Variants in TNFRSF1A observed in about 807,000 individuals in gnomAD.
TNFRSF1A encodes the protein TNF receptor superfamily member 1A.
In TNFRSF1A, 9 loss-of-function variants were observed where a neutral mutation model predicts 41.6. That is an observed-to-expected ratio of 0.22 (90% confidence interval 0.13 to 0.38). The LOEUF is 0.38. Ranked by LOEUF, TNFRSF1A falls within the 10% of genes least tolerant of loss-of-function variation. The pLI is 1.00. For synonymous variants in TNFRSF1A, 254 were observed against 248.6 expected, an observed-to-expected ratio of 1.02 and a Z score of -0.21; for missense variants, 463 against 591.5, an observed-to-expected ratio of 0.78 and a Z score of 2.25.
chr12:6,331,957 C>T lies in TNFRSF1A; in HGVS notation c.552-1031G>A, dbSNP rs547305263. The T allele has an allele frequency of 9.8e-4, 194 of 198,748 alleles. No individual in the cohort carries two copies. The highest frequency in any genetic ancestry group is 4.5e-3 in the Middle Eastern group (2 of 442). The allele number at this position is 198,748 out of a possible 1,614,324, so 12.3% of individuals were successfully genotyped here. On this transcript the variant is annotated intron_variant, in intron 5 of 9. Transcript: ENST00000162749. Reference sequence around the variant, plus strand: ...CAGAGGTTGCAGTGAGCCGAGATCGCGCCACTGCATTCCAGCCTGGGCGAC... The same window carrying T: ...CAGAGGTTGCAGTGAGCCGAGATCGTGCCACTGCATTCCAGCCTGGGCGAC...
chr12:6,341,719 G>C lies in TNFRSF1A; in HGVS notation c.39+57C>G. The C allele has an allele frequency of 6.2e-6, 10 of 1,603,792 alleles. No individual in the cohort carries two copies. The highest frequency in any genetic ancestry group is 1.1e-5 in the South Asian group (1 of 90,526). On this transcript the variant is annotated intron_variant, in intron 1 of 9. Coordinates refer to ENST00000162749, the MANE Select transcript of TNFRSF1A (RefSeq NM_001065.4). The surrounding 1 kb of genome is among the most constrained non-coding windows in gnomAD (Gnocchi z 4.6). Reference sequence around the variant, plus strand: ...CGGCCCCCTCCCGGAGAGGGCCCACGCCAGCCGGAAGGTGCCTCGCCCACC... The same window carrying C: ...CGGCCCCCTCCCGGAGAGGGCCCACCCCAGCCGGAAGGTGCCTCGCCCACC...
At position 6,334,942 on chromosome 12, in the gene TNFRSF1A, G is replaced by A. The variant is rs1400824413; in HGVS notation, c.40-698C>T. Among the ~76,000 whole-genome samples the A allele has an allele frequency of 6.6e-6, 1 of 152,152 alleles. No individual in the cohort carries two copies. The highest frequency in any genetic ancestry group is 6.5e-5 in the Admixed American group (1 of 15,274). On this transcript the variant is annotated intron_variant, in intron 1 of 9. Coordinates refer to ENST00000162749, the MANE Select transcript of TNFRSF1A (RefSeq NM_001065.4). This position sits in a 1 kb window ranked among gnomAD's most constrained non-coding sequence, Gnocchi z 5.1. ...AACAAGCAGCCCTAAAGATTGGGGC[G>A]GTGTTTCTCCATCTGGGTGCTGGGT...
At position 6,333,208 on chromosome 12, in the gene TNFRSF1A, A is replaced by G; in HGVS notation, c.473-61T>C. ...CGCCTGCACCCCCACCCCACAGGAC[A>G]GAGGAAGTGACGAGGGACAGGGTGG... On this transcript the variant is annotated intron_variant, in intron 4 of 9. Transcript: ENST00000162749. This position sits in a 1 kb window ranked among gnomAD's most constrained non-coding sequence, Gnocchi z 6.3. 1 of 1,581,888 alleles carries G rather than the reference A, an allele frequency of 6.3e-7. No homozygotes were observed. The highest frequency in any genetic ancestry group is 2.2e-5 in the East Asian group (1 of 44,476).
chr12:6,340,097 T>A (rs977583057), intron 1 of TNFRSF1A, among the ~76,000 whole-genome samples: 2 of 152,154 alleles, frequency 1.3e-5, no homozygotes, highest in African/African-American at 4.8e-5. Flanking sequence ...TAATTACTAC[T>A]AGTCACAGCA....
chr12:6,338,106 A>C (rs1284610080), intron 1 of TNFRSF1A, among the ~76,000 whole-genome samples: 1 of 152,146 alleles, frequency 6.6e-6, no homozygotes, highest in African/African-American at 2.4e-5. Flanking sequence ...TGAATGATAC[A>C]AAGGCAGAAA....
rs773046328 is a variant in TNFRSF1A, at chr12:6,330,320, A to G, written c.740-25T>C. ...ACTGAGGAAAAAGAAAGAAAGCATCATAAATTTCACTTCCTCTCTCAGCCC... is the reference window on the plus strand; with the variant it reads ...ACTGAGGAAAAAGAAAGAAAGCATCGTAAATTTCACTTCCTCTCTCAGCCC... On this transcript the variant is annotated intron_variant, in intron 7 of 9. Transcript: ENST00000162749. 9.3e-6 allele frequency: 15 copies of G among 1,609,938 alleles called. No individual in the cohort carries two copies. The Admixed American group carries it at 2.3e-4, about 25-fold the overall frequency.
rs927522335 is a variant in TNFRSF1A at position 6,341,706 on chromosome 12, G to A, written c.39+70C>T. The A allele has an allele frequency of 3.1e-5, 49 of 1,578,816 alleles. No homozygotes were observed. In the Admixed American group the frequency reaches 3.3e-4, roughly 11 times the overall value. ...GGCAGGAGAGGCTCGGCCCCCTCCC[G>A]GAGAGGGCCCACGCCAGCCGGAAGG... On this transcript the variant is annotated intron_variant, in intron 1 of 9. Transcript: ENST00000162749. The surrounding 1 kb of genome is among the most constrained non-coding windows in gnomAD (Gnocchi z 4.6).
chr12:6,332,131 A>C (rs569448912), intron 5 of TNFRSF1A: 5 of 226,034 alleles, frequency 2.2e-5, no homozygotes, highest in South Asian at 2.0e-4. Flanking sequence ...CATTATGCTT[A>C]CTTTAAATAT....
In TNFRSF1A at chr12:6,333,585, C is replaced by G. The variant is rs1948080458; in HGVS notation, c.323-69G>C. On this transcript the variant is annotated intron_variant, in intron 3 of 9. Coordinates refer to ENST00000162749, the MANE Select transcript of TNFRSF1A (RefSeq NM_001065.4). The surrounding 1 kb of genome is among the most constrained non-coding windows in gnomAD (Gnocchi z 6.3). ...TCCCTGCATCCCCTTCCTGACATAC[C>G]CCTAAGTGTGTGTCTCTGTAATACA... The G allele has an allele frequency of 6.2e-7, 1 of 1,605,766 alleles. No homozygotes were observed. The highest frequency in any genetic ancestry group is 1.3e-5 in the African/African-American group (1 of 74,698).
intron 1 of TNFRSF1A, among the ~76,000 whole-genome samples, chr12:6,338,355 C>T (rs771441193): frequency 1.3e-5 from 2 of 152,124 alleles, no homozygotes; most frequent in Non-Finnish European, 2.9e-5. Flanking sequence ...TGTGATCTCT[C>T]GGTCCTCTCC....
At position 6,334,919 on chromosome 12, in the gene TNFRSF1A, C is replaced by T. The variant is rs1306192686; in HGVS notation, c.40-675G>A. On this transcript the variant is annotated intron_variant, in intron 1 of 9. Transcript: ENST00000162749. The surrounding 1 kb of genome is among the most constrained non-coding windows in gnomAD (Gnocchi z 5.1). ...CTTCAGTGATGGCCCCTTCTTCCAA[C>T]AAGCAGCCCTAAAGATTGGGGCGGT... 6.6e-6 allele frequency among the ~76,000 whole-genome samples: 1 copy of T among 152,224 alleles called. No individual in the cohort carries two copies. The highest frequency in any genetic ancestry group is 1.5e-5 in the Non-Finnish European group (1 of 68,040).
intron 1 of TNFRSF1A, among the ~76,000 whole-genome samples, chr12:6,335,309 G>A (rs767311757): frequency 1.3e-5 from 2 of 152,242 alleles, no homozygotes; most frequent in Middle Eastern, 3.4e-3. Flanking sequence ...AAGTTGAGAC[G>A]GGGGCAGGAG....
intron 5 of TNFRSF1A, chr12:6,331,927 G>C (rs939402192): frequency 1.1e-5 from 2 of 188,530 alleles, no homozygotes; most frequent in African/African-American, 2.5e-5. Context: ...CTTGAATCTG[G>C]GAGGCAGAGG....
In TNFRSF1A at chr12:6,334,298, C is replaced by T. The variant is rs1948091319; in HGVS notation, c.40-54G>A. On this transcript the variant is annotated intron_variant, in intron 1 of 9. Transcript: ENST00000162749. This position sits in a 1 kb window ranked among gnomAD's most constrained non-coding sequence, Gnocchi z 5.1. ...CATCAAGAGAGGGAGGGATGGGAAG[C>T]TTAGGGGTAGCAGATCTAAAACTTC... 1.3e-6 allele frequency: 2 copies of T among 1,554,224 alleles called. No homozygotes were observed. Among genetic ancestry groups the T allele is most frequent in the Admixed American group, 1.7e-5 (1 of 58,432 alleles).
rs1160387873 is a variant in TNFRSF1A, at chr12:6,329,125, G to A, written c.*187C>T. On this transcript the variant is annotated 3_prime_UTR_variant, in exon 10 of 10. Coordinates refer to ENST00000162749, the MANE Select transcript of TNFRSF1A (RefSeq NM_001065.4). Reference sequence around the variant, plus strand: ...GAGCCCACGGCGCACCTCTCTCCGCGCGCACAGCGCTGACTGTCGGCGGCG... The same window carrying A: ...GAGCCCACGGCGCACCTCTCTCCGCACGCACAGCGCTGACTGTCGGCGGCG... The A allele has an allele frequency of 3.9e-6, 2 of 517,518 alleles. No individual in the cohort carries two copies. Among genetic ancestry groups the A allele is most frequent in the Non-Finnish European group, 6.2e-6 (2 of 323,334 alleles). The allele number at this position is 517,518 out of a possible 1,614,324, so 32.1% of individuals were successfully genotyped here.
chr12:6,336,403 C>T (rs1948120203), intron 1 of TNFRSF1A, among the ~76,000 whole-genome samples: 1 of 152,134 alleles, frequency 6.6e-6, no homozygotes, highest in African/African-American at 2.4e-5. Context: ...GCAGCTTCCC[C>T]AGCTCCTCAA....
Position 6,329,864 on chromosome 12 carries a change from A to T in TNFRSF1A, c.971T>A (p.Ile324Asn), listed in dbSNP as rs774657925. The T allele has an allele frequency of 6.3e-7, 1 of 1,597,810 alleles. No homozygotes were observed. The highest frequency in any genetic ancestry group is 8.5e-7 in the Non-Finnish European group (1 of 1,172,274). ...GTCGGAGGCGAGGGCTGTCGCAAGG[A>T]TGGGGTCAGCCCCCTGATAGGGTGG... ...VAPPYQGADP[I>N]LATALASDPI... Residue 324 changes from isoleucine to asparagine, a missense_variant, in exon 9 of 10, where the codon ATC becomes AAC. Physicochemically the swap from Ile to Asn is moderately radical, Grantham distance 149. This residue lies in a region of TNFRSF1A where 277 missense variants were observed against 288.8 expected (regional missense o/e 0.96). Coordinates refer to ENST00000162749, the MANE Select transcript of TNFRSF1A (RefSeq NM_001065.4).
rs1017321536 is a variant in TNFRSF1A, at chr12:6,334,930, A to G, written c.40-686T>C. ...GCCCCTTCTTCCAACAAGCAGCCCT[A>G]AAGATTGGGGCGGTGTTTCTCCATC... On this transcript the variant is annotated intron_variant, in intron 1 of 9. Transcript: ENST00000162749. The surrounding 1 kb of genome is among the most constrained non-coding windows in gnomAD (Gnocchi z 5.1). Among the ~76,000 whole-genome samples the G allele has an allele frequency of 6.6e-6, 1 of 152,216 alleles. No individual in the cohort carries two copies. The highest frequency in any genetic ancestry group is 1.5e-5 in the Non-Finnish European group (1 of 68,026).
intron 1 of TNFRSF1A, among the ~76,000 whole-genome samples, chr12:6,338,333 G>A (rs1043552978): frequency 1.8e-4 from 27 of 151,998 alleles, no homozygotes; most frequent in African/African-American, 4.8e-4. Flanking sequence ...TTCATCTTGC[G>A]AGGCCTCCCC....
Sources: gnomAD v4.1 joint callset for allele counts (sites outside exome capture counted in the v4.1 genomes callset) on GRCh38, gnomAD v4.1.1 for gene constraint, gnomAD v4.1.1 regional missense constraint, Gnocchi (gnomAD v3.1) non-coding constraint, MANE v1.5 for transcripts, NCBI Gene and HGNC (gene_info 2026-07-23, HGNC 2026-07-21) for gene names.